SMCO3: variants seen among roughly 807,000 people sequenced by gnomAD.
The protein encoded by SMCO3 is single-pass membrane protein with coiled-coil domains 3, also known as single-pass membrane and coiled-coil domain-containing protein 3.
SMCO3 carries 6 observed loss-of-function variants against 12.0 expected under a neutral mutation model. The ratio of observed to expected loss-of-function variants is 0.50; its 90% CI spans 0.27 to 0.99. The LOEUF (loss-of-function observed/expected upper bound fraction) is 0.99, where lower values mean the gene tolerates loss of function less well. Among genes scored for constraint, SMCO3 ranks in the 50% least tolerant of loss-of-function variants. The pLI is 0.11. For synonymous variants in SMCO3, 96 were observed against 96.4 expected, an observed-to-expected ratio of 1.00 and a Z score of 0.02; for missense variants, 279 against 265.0, an observed-to-expected ratio of 1.05 and a Z score of -0.37.
chr12:14,806,004 C>G lies in SMCO3; in HGVS notation c.677G>C (p.Ter226SerextTer24), dbSNP rs375827971. 6.3e-7 allele frequency: 1 copy of G among 1,596,960 alleles called. No individual in the cohort carries two copies. Among genetic ancestry groups the G allele is most frequent in the Non-Finnish European group, 8.5e-7 (1 of 1,170,528 alleles). Residue 226 changes from the stop codon to serine (S), a stop_lost, in exon 2 of 2, where the codon TGA (stop) becomes TCA (serine). Transcript: ENST00000316048. Reference sequence around the variant, plus strand: ...TTCAGTGGCAAATAAAACGGCTGTTCATTTCATTTGGTGTTTCACTGTATT... The same window carrying G: ...TTCAGTGGCAAATAAAACGGCTGTTGATTTCATTTGGTGTTTCACTGTATT... ...VINTVKHQMK[*>S]
At position 14,804,939 on chromosome 12, in the gene SMCO3, T is replaced by C. The variant is rs1025377729; in HGVS notation, c.*1064A>G. The C allele has an allele frequency of 1.3e-5, 2 of 152,194 alleles. No homozygotes were observed. The highest frequency in any genetic ancestry group is 4.8e-5 in the African/African-American group (2 of 41,450). The allele number at this position is 152,194 out of a possible 1,614,324, so 9.4% of individuals were successfully genotyped here. A position where few individuals can be genotyped will look rare whatever the true frequency, so the allele number is the denominator to read the frequency against. On this transcript the variant is annotated 3_prime_UTR_variant, in exon 2 of 2. Coordinates refer to ENST00000316048, the MANE Select transcript of SMCO3 (RefSeq NM_001013698.2). ...AACAGCATATTAATAATTTTGTCAG[T>C]ATAGACTAAAAGAGTCCTCATGGGA... is the stretch of plus-strand genomic sequence containing the variant.
intron 1 of SMCO3, among the ~76,000 whole-genome samples, chr12:14,807,459 G>C (rs1366396950): frequency 6.6e-6 from 1 of 152,148 alleles, no homozygotes; most frequent in Non-Finnish European, 1.5e-5. Context: ...ACTCTAGTCA[G>C]GGCCAGATAA....
Position 14,806,062 on chromosome 12 carries a change from C to T in SMCO3, c.619G>A (p.Glu207Lys), listed in dbSNP as rs1323221255. The change falls in exon 2 of 2, where the codon GAA (glutamate) becomes AAA (lysine). Residue 207 changes from glutamate (E) to lysine (K), a missense_variant. Transcript: ENST00000316048. ...KHLVEFKSAS[E>K]KYNHAITEVI... ...TCAGTAATGGCATGATTATATTTTT[C>T]TGAGGCTGATTTGAACTCCACCAGA... 1.9e-6 allele frequency: 3 copies of T among 1,614,118 alleles called. No homozygotes were observed. Among genetic ancestry groups the T allele is most frequent in the South Asian group, 2.2e-5 (2 of 91,076 alleles).
intron 1 of SMCO3, among the ~76,000 whole-genome samples, chr12:14,809,398 C>A (rs1950102829): frequency 6.6e-6 from 1 of 151,986 alleles, no homozygotes; most frequent in Admixed American, 6.6e-5. Context: ...TCTTCTCCCC[C>A]CAGTATTAAA....
chr12:14,809,977 T>G (rs1293504076), intron 1 of SMCO3, among the ~76,000 whole-genome samples: 2 of 152,234 alleles, frequency 1.3e-5, no homozygotes, highest in Non-Finnish European at 2.9e-5. Flanking sequence ...TTTTCCTCCT[T>G]TTAAGTAGTC....
At position 14,804,951 on chromosome 12, in the gene SMCO3, G is replaced by C. The variant is rs1016922099; in HGVS notation, c.*1052C>G. 1.2e-4 allele frequency: 19 copies of C among 152,200 alleles called. No homozygotes were observed. Among genetic ancestry groups the C allele is most frequent in the Non-Finnish European group, 8.8e-5 (6 of 68,038 alleles). The allele number at this position is 152,200 out of a possible 1,614,324, so 9.4% of individuals were successfully genotyped here. ...ATAATTTTGTCAGTATAGACTAAAA[G>C]AGTCCTCATGGGAATTATTGGTTGG... On this transcript the variant is annotated 3_prime_UTR_variant, in exon 2 of 2. Coordinates refer to ENST00000316048, the MANE Select transcript of SMCO3 (RefSeq NM_001013698.2).
In SMCO3 at chr12:14,806,494, T is replaced by G. The variant is rs1950053270; in HGVS notation, c.187A>C (p.Lys63Gln). The G allele has an allele frequency of 6.2e-7, 1 of 1,614,050 alleles. No individual in the cohort carries two copies. The highest frequency in any genetic ancestry group is 1.3e-5 in the African/African-American group (1 of 74,914). ...SIEMKRDGTI[K>Q]ENCDLIIQAI... is the part of the protein sequence containing the mutation. ...TGGATGATGAGGTCACAGTTTTCTTTGATGGTCCCATCTCTTTTCATCTCA... is the reference window on the plus strand; with the variant it reads ...TGGATGATGAGGTCACAGTTTTCTTGGATGGTCCCATCTCTTTTCATCTCA... The change falls in exon 2 of 2, where the codon AAA (lysine) becomes CAA (glutamine). Residue 63 changes from lysine to glutamine, a missense_variant. Lys to Gln is a moderately conservative substitution (Grantham distance 53). Coordinates refer to ENST00000316048, the MANE Select transcript of SMCO3 (RefSeq NM_001013698.2).
At position 14,809,547 on chromosome 12, in the gene SMCO3, G is replaced by A. The variant is rs1413577214; in HGVS notation, c.-16-2851C>T. On this transcript the variant is annotated intron_variant, in intron 1 of 1. Coordinates refer to ENST00000316048, the MANE Select transcript of SMCO3 (RefSeq NM_001013698.2). ...GTAGAATCTCAAATCAATAATAATC[G>A]AAATTATTACTCCATAAATGGTCTT... Among the ~76,000 whole-genome samples, 4 of 152,076 alleles carry A rather than the reference G, an allele frequency of 2.6e-5. No individual in the cohort carries two copies. In the East Asian group the frequency reaches 5.8e-4, roughly 22 times the overall value.
Position 14,805,763 on chromosome 12 carries a change from G to A in SMCO3, c.*240C>T, listed in dbSNP as rs1565677922. ...ATGTTGATCTGGTAGAGCAGGGTGT[G>A]AAAACATCCAGGGAGAAAATTTTTT... On this transcript the variant is annotated 3_prime_UTR_variant, in exon 2 of 2. Coordinates refer to ENST00000316048, the MANE Select transcript of SMCO3 (RefSeq NM_001013698.2). The A allele has an allele frequency of 2.0e-6, 1 of 493,042 alleles. No individual in the cohort carries two copies. The highest frequency in any genetic ancestry group is 3.6e-6 in the Non-Finnish European group (1 of 280,978). The allele number at this position is 493,042 out of a possible 1,614,324, so 30.5% of individuals were successfully genotyped here. A position where few individuals can be genotyped will look rare whatever the true frequency, so the allele number is the denominator to read the frequency against.
In SMCO3 at chr12:14,805,439, G is replaced by C. The variant is rs1160817982; in HGVS notation, c.*564C>G. ...GTAATCAGTAGACGTTTACAGATCA[G>C]CTTCCTGTCCTAATTGAAGCACATT... is the stretch of plus-strand genomic sequence containing the variant. On this transcript the variant is annotated 3_prime_UTR_variant, in exon 2 of 2. Transcript: ENST00000316048. 2.6e-5 allele frequency: 4 copies of C among 152,370 alleles called. No individual in the cohort carries two copies. The highest frequency in any genetic ancestry group is 9.7e-5 in the African/African-American group (4 of 41,442). 9.4% of individuals were successfully genotyped at this position (152,370 alleles called of 1,614,324 possible).
In SMCO3 at chr12:14,805,721, C is replaced by T. The variant is rs1223665621; in HGVS notation, c.*282G>A. ...AGTAACCCCTATACTTGCTACTCTA[C>T]GATAGCATTTACCCCAATGTTGATC... On this transcript the variant is annotated 3_prime_UTR_variant, in exon 2 of 2. Coordinates refer to ENST00000316048, the MANE Select transcript of SMCO3 (RefSeq NM_001013698.2). 10 of 351,880 alleles carry T rather than the reference C, an allele frequency of 2.8e-5. No homozygotes were observed. The highest frequency in any genetic ancestry group is 5.1e-5 in the Non-Finnish European group (10 of 195,850). 21.8% of individuals were successfully genotyped at this position (351,880 alleles called of 1,614,324 possible). A position where few individuals can be genotyped will look rare whatever the true frequency, so the allele number is the denominator to read the frequency against.
chr12:14,808,641 G>A (rs1452989063), intron 1 of SMCO3, among the ~76,000 whole-genome samples: 1 of 152,116 alleles, frequency 6.6e-6, no homozygotes, highest in Non-Finnish European at 1.5e-5. Flanking sequence ...CAACGGAAAA[G>A]AGAAAATTTT....
At chr12:14,810,433 G>A (rs1024741129) in intron 1 of SMCO3, among the ~76,000 whole-genome samples, 2 of 152,210 alleles carry the variant, frequency 1.3e-5, no homozygotes, top group African/African-American at 4.8e-5. Context: ...TAATAGGTTA[G>A]TACTTACCAC....
chr12:14,806,099 AC>A lies in SMCO3; in HGVS notation c.581del (p.Ser194IlefsTer27), dbSNP rs1351964247. 1 of 1,614,000 alleles carries A rather than the reference AC, an allele frequency of 6.2e-7. No individual in the cohort carries two copies. Among genetic ancestry groups the A allele is most frequent in the Non-Finnish European group, 8.5e-7 (1 of 1,180,034 alleles). ...EKTQLQAAIK[S>X]YEKHLVEFKS... is the part of the protein sequence containing the mutation. Reference sequence around the variant, plus strand: ...TGAACTCCACCAGATGCTTCTCATAACTTTTGATGGCTGCTTGAAGCTGTGT... The same window carrying A: ...TGAACTCCACCAGATGCTTCTCATAATTTTGATGGCTGCTTGAAGCTGTGT... On this transcript the variant is annotated frameshift_variant, in exon 2 of 2. Coordinates refer to ENST00000316048, the MANE Select transcript of SMCO3 (RefSeq NM_001013698.2). LOFTEE classifies it high-confidence loss of function.
At chr12:14,813,693 A>G (rs1950175411) in intron 1 of SMCO3, among the ~76,000 whole-genome samples, 1 of 152,210 alleles carries the variant, frequency 6.6e-6, no homozygotes, top group Non-Finnish European at 1.5e-5. Context: ...GAAGGAGTAT[A>G]AGTACTATAC....
intron 1 of SMCO3, among the ~76,000 whole-genome samples, chr12:14,812,269 C>A (rs1434753205): frequency 1.3e-5 from 2 of 152,116 alleles, no homozygotes; most frequent in Non-Finnish European, 2.9e-5. Context: ...ACGGTGAAAC[C>A]CCGTCTCTAC....
In SMCO3 at chr12:14,805,491, T is replaced by C. The variant is rs1244935837; in HGVS notation, c.*512A>G. On this transcript the variant is annotated 3_prime_UTR_variant, in exon 2 of 2. Coordinates refer to ENST00000316048, the MANE Select transcript of SMCO3 (RefSeq NM_001013698.2). Reference sequence around the variant, plus strand: ...TTACAAACCATTTTTCAGTCTCTTCTAGTTTACAGAAAACCAGATTTACTC... The same window carrying C: ...TTACAAACCATTTTTCAGTCTCTTCCAGTTTACAGAAAACCAGATTTACTC... 1 of 152,996 alleles carries C rather than the reference T, an allele frequency of 6.5e-6. No individual in the cohort carries two copies. Among genetic ancestry groups the C allele is most frequent in the Admixed American group, 6.5e-5 (1 of 15,350 alleles). The allele number at this position is 152,996 out of a possible 1,614,324, so 9.5% of individuals were successfully genotyped here. A position where few individuals can be genotyped will look rare whatever the true frequency, so the allele number is the denominator to read the frequency against.
At chr12:14,807,678 G>A (rs1190462705) in intron 1 of SMCO3, among the ~76,000 whole-genome samples, 9 of 152,158 alleles carry the variant, frequency 5.9e-5, no homozygotes, top group Non-Finnish European at 1.3e-4. Context: ...AGACTCTTTG[G>A]ATTAAAATTT....
chr12:14,809,134 A>G (rs1348696286), intron 1 of SMCO3, among the ~76,000 whole-genome samples: 2 of 152,190 alleles, frequency 1.3e-5, no homozygotes, highest in Non-Finnish European at 2.9e-5. Context: ...AAAAAGTTCA[A>G]AATATCTCTA....
Sources: gnomAD v4.1 joint callset for allele counts (sites outside exome capture counted in the v4.1 genomes callset) on GRCh38, gnomAD v4.1.1 for gene constraint, MANE v1.5 for transcripts, NCBI Gene and HGNC (gene_info 2026-07-23, HGNC 2026-07-21) for gene names.